The following FYCO1 variants were observed in gnomAD, a reference collection of about 807,000 sequenced individuals.
The protein encoded by FYCO1 is FYVE and coiled-coil domain-containing protein 1.
A neutral mutation model predicts 165.1 loss-of-function variants in FYCO1; 122 were observed. That is an observed-to-expected ratio of 0.74 (90% confidence interval 0.64 to 0.86). The LOEUF (loss-of-function observed/expected upper bound fraction) is 0.86, where lower values mean the gene tolerates loss of function less well. Among genes scored for constraint, FYCO1 ranks in the 40% least tolerant of loss-of-function variants. The pLI, the probability that FYCO1 is intolerant of heterozygous loss-of-function variation, is 0.00. For synonymous variants in FYCO1, 648 were observed against 742.5 expected, an observed-to-expected ratio of 0.87 and a Z score of 2.07; for missense variants, 1,702 against 1,810.3, an observed-to-expected ratio of 0.94 and a Z score of 1.09.
At chr3:45,989,699 A>C (rs890042901) in intron 1 of FYCO1, among the ~76,000 whole-genome samples, 7 of 152,164 alleles carry the variant, frequency 4.6e-5, no homozygotes, top group Non-Finnish European at 8.8e-5. Flanking sequence ...GGCTTCTTCA[A>C]CCTTCTCTTG....
intron 13 of FYCO1, among the ~76,000 whole-genome samples, chr3:45,955,770 C>T (rs897952259): frequency 3.9e-5 from 6 of 152,218 alleles, no homozygotes; most frequent in Admixed American, 1.3e-4. Context: ...AATCCTTGCT[C>T]TGTAAGACAC....
At chr3:45,928,855 C>T (rs28495711) in intron 16 of FYCO1, among the ~76,000 whole-genome samples, 2 of 152,210 alleles carry the variant, frequency 1.3e-5, no homozygotes, top group Non-Finnish European at 2.9e-5. Flanking sequence ...CAGTGAGCTC[C>T]TCAACGGGAG....
chr3:45,986,828 C>T (rs59226168), intron 1 of FYCO1, among the ~76,000 whole-genome samples: 34,144 of 152,042 alleles, frequency 0.22, 3,972 homozygotes, highest in Middle Eastern at 0.36. Context: ...CTAGAGAGAG[C>T]CAGAGAGGAT....
chr3:45,956,337 A>AAAAT (rs56249293), intron 13 of FYCO1, among the ~76,000 whole-genome samples: 3,084 of 149,184 alleles, frequency 0.021, 49 homozygotes, highest in South Asian at 0.043. Context: ...CTTAGTCTCA[A>AAAAT]AAATAAATAA....
Position 45,967,025 on chromosome 3 carries a change from T to C in FYCO1, c.2309A>G (p.Gln770Arg). Reference protein sequence around the residue: ...TDNEARELAAQLALSQAQLEV... With the variant: ...TDNEARELAARLALSQAQLEV... ...CAGCTGCGCCTGAGACAGGGCTAGCTGGGCAGCCAGCTCACGGGCTTCATT... is the reference window on the plus strand; with the variant it reads ...CAGCTGCGCCTGAGACAGGGCTAGCCGGGCAGCCAGCTCACGGGCTTCATT... The change falls in exon 8 of 18, where the codon CAG (glutamine) becomes CGG (arginine). Residue 770 changes from glutamine (Q) to arginine (R), a missense_variant. Coordinates refer to ENST00000296137, the MANE Select transcript of FYCO1 (RefSeq NM_024513.4). The C allele has an allele frequency of 6.2e-7, 1 of 1,613,324 alleles. No individual in the cohort carries two copies. Among genetic ancestry groups the C allele is most frequent in the Non-Finnish European group, 8.5e-7 (1 of 1,180,006 alleles).
At chr3:45,948,801 G>A (rs1018430036) in intron 14 of FYCO1, among the ~76,000 whole-genome samples, 1 of 152,128 alleles carries the variant, frequency 6.6e-6, no homozygotes, top group African/African-American at 2.4e-5. Flanking sequence ...CTGAATCCCT[G>A]CCACTCACCA....
chr3:45,938,233 C>T (rs1323295977), intron 14 of FYCO1: 5 of 1,289,088 alleles, frequency 3.9e-6, no homozygotes, highest in East Asian at 1.1e-4. Context: ...TTTCCCAGAC[C>T]CTTGCTGGCC....
rs1301134122 is a variant in FYCO1 at position 45,964,396 on chromosome 3, C to A, written c.3209G>T (p.Cys1070Phe). The A allele has an allele frequency of 6.2e-7, 1 of 1,614,164 alleles. No homozygotes were observed. The highest frequency in any genetic ancestry group is 8.5e-7 in the Non-Finnish European group (1 of 1,179,990). ...LSCTSNHLAECQAAMLRKDKE... is the reference protein window; with the variant it reads ...LSCTSNHLAEFQAAMLRKDKE... The stretch of plus-strand genomic sequence containing the variant: ...GTCCTTCCTCAGCATGGCCGCCTGG[C>A]ACTCTGCAAGATGGTTGCTAGTGCA... The change falls in exon 10 of 18, where the codon TGC becomes TTC. Residue 1070 changes from cysteine to phenylalanine, a missense_variant. Cys to Phe is a radical substitution (Grantham distance 205, BLOSUM62 -2). Transcript: ENST00000296137. This position sits in a 1 kb window ranked among gnomAD's most constrained non-coding sequence, Gnocchi z 4.1.
Position 45,962,183 on chromosome 3 carries a change from G to A in FYCO1, c.3437+42C>T. ...TGCATTTCTTTAGAGAAAAACCCCAGTGTGGGGAAAACCCCAGCTGCTGGT... is the reference window on the plus strand; with the variant it reads ...TGCATTTCTTTAGAGAAAAACCCCAATGTGGGGAAAACCCCAGCTGCTGGT... On this transcript the variant is annotated intron_variant, in intron 11 of 17. Coordinates refer to ENST00000296137, the MANE Select transcript of FYCO1 (RefSeq NM_024513.4). This position sits in a 1 kb window ranked among gnomAD's most constrained non-coding sequence, Gnocchi z 4.4. 1 of 1,603,998 alleles carries A rather than the reference G, an allele frequency of 6.2e-7. No individual in the cohort carries two copies. Among genetic ancestry groups the A allele is most frequent in the Non-Finnish European group, 8.5e-7 (1 of 1,170,782 alleles).
chr3:45,966,719 G>A lies in FYCO1; in HGVS notation c.2615C>T (p.Ala872Val). Residue 872 changes from alanine (A) to valine (V), a missense_variant, in exon 8 of 18, where the codon GCC becomes GTC. Ala to Val is a moderately conservative substitution (Grantham distance 64, BLOSUM62 0). Coordinates refer to ENST00000296137, the MANE Select transcript of FYCO1 (RefSeq NM_024513.4). The part of the protein sequence containing the change: ...EAQQREEELR[A>V]LQEELSQAKC... ...GGCCTGGGACAGCTCCTCCTGCAGG[G>A]CCCGCAGCTCCTCCTCCCTCTGCTG... The A allele has an allele frequency of 6.2e-7, 1 of 1,612,488 alleles. No homozygotes were observed. The highest frequency in any genetic ancestry group is 8.5e-7 in the Non-Finnish European group (1 of 1,179,924).
intron 16 of FYCO1, among the ~76,000 whole-genome samples, chr3:45,929,505 T>G (rs1178715869): frequency 1.3e-5 from 2 of 152,072 alleles, no homozygotes; most frequent in Non-Finnish European, 2.9e-5. Flanking sequence ...GATTCAGGGC[T>G]GGGGGCCTGG....
chr3:45,976,629 C>T (rs1486601796), intron 4 of FYCO1, among the ~76,000 whole-genome samples: 1 of 152,132 alleles, frequency 6.6e-6, no homozygotes, highest in Admixed American at 6.5e-5. Context: ...AGTGGTTTGC[C>T]AGAGGGTTCC....
At chr3:45,950,258 AG>A (rs1270511435) in intron 14 of FYCO1, among the ~76,000 whole-genome samples, 1 of 151,394 alleles carries the variant, frequency 6.6e-6, no homozygotes, top group African/African-American at 2.4e-5. Context: ...TGGAGGGTAA[AG>A]GATGTGCTCT....
chr3:45,921,461 C>T lies in FYCO1; in HGVS notation c.*304G>A. ...CAAGAGGCCTGTAGCCAACTGTGCT[C>T]CCAGGAGAGGCTGATGGTCTCCTGG... On this transcript the variant is annotated 3_prime_UTR_variant, in exon 18 of 18. Coordinates refer to ENST00000296137, the MANE Select transcript of FYCO1 (RefSeq NM_024513.4). 1 of 399,776 alleles carries T rather than the reference C, an allele frequency of 2.5e-6. No homozygotes were observed. The highest frequency in any genetic ancestry group is 4.8e-6 in the Non-Finnish European group (1 of 209,566). The allele number at this position is 399,776 out of a possible 1,614,324, so 24.8% of individuals were successfully genotyped here.
chr3:45,966,390 G>A lies in FYCO1; in HGVS notation c.2944C>T (p.Leu982Phe). The A allele has an allele frequency of 6.2e-7, 1 of 1,613,894 alleles. No individual in the cohort carries two copies. Among genetic ancestry groups the A allele is most frequent in the Non-Finnish European group, 8.5e-7 (1 of 1,179,818 alleles). The change falls in exon 8 of 18, where the codon CTC (leucine) becomes TTC (phenylalanine). Residue 982 changes from leucine (L) to phenylalanine (F), a missense_variant. Physicochemically the swap from Leu to Phe is conservative, Grantham distance 22. Coordinates refer to ENST00000296137, the MANE Select transcript of FYCO1 (RefSeq NM_024513.4). ...TGGGCCCGCTGCTCTGCCTGGGCGA[G>A]CTGGGCCTGCAGGCCAGGCAGTGAG... ...AGSLPGLQAQ[L>F]AQAEQRAQSL...
intron 4 of FYCO1, among the ~76,000 whole-genome samples, chr3:45,976,766 T>C (rs1232754587): frequency 2.0e-5 from 3 of 152,234 alleles, no homozygotes; most frequent in Non-Finnish European, 2.9e-5. Flanking sequence ...TCCTGGTGTA[T>C]AGCACCTTTT....
At chr3:45,982,772 C>T (rs530503680) in intron 2 of FYCO1, among the ~76,000 whole-genome samples, 3 of 152,298 alleles carry the variant, frequency 2.0e-5, no homozygotes, top group South Asian at 2.1e-4. Flanking sequence ...GTAATCAACA[C>T]GACCCCTCAG....
chr3:45,974,710 TC>T (rs1706637462), intron 5 of FYCO1, among the ~76,000 whole-genome samples: 1 of 152,146 alleles, frequency 6.6e-6, no homozygotes, highest in African/African-American at 2.4e-5. Flanking sequence ...GCCTCTCTCC[TC>T]CCTTCTCTCT....
At chr3:45,985,050 G>A (rs1164954769) in intron 1 of FYCO1, 28 bp from the exon 2 acceptor site, 3 of 799,820 alleles carry the variant, frequency 3.8e-6, no homozygotes, top group Non-Finnish European at 6.7e-6. Flanking sequence ...AGGCCATGGA[G>A]GAAGCAGATA....
Sources: gnomAD v4.1 joint callset for allele counts (sites outside exome capture counted in the v4.1 genomes callset) on GRCh38, gnomAD v4.1.1 for gene constraint, Gnocchi (gnomAD v3.1) non-coding constraint, MANE v1.5 for transcripts, NCBI Gene and HGNC (gene_info 2026-07-23, HGNC 2026-07-21) for gene names.